Variants in TECTA observed in about 807,000 individuals in gnomAD.
TECTA encodes the protein tectorin alpha.
A neutral mutation model predicts 216.8 loss-of-function variants in TECTA; 128 were observed. That is an observed-to-expected ratio of 0.59 (90% confidence interval 0.51 to 0.68). The LOEUF (loss-of-function observed/expected upper bound fraction) is 0.68. Ranked by LOEUF, TECTA falls within the 30% of genes least tolerant of loss-of-function variation. The probability of loss-of-function intolerance (pLI) is 0.00; values close to 1 mark genes in which losing one functional copy is unlikely to be tolerated. For missense variants in TECTA, 2,551 were observed against 2,786.2 expected, an observed-to-expected ratio of 0.92 and a Z score of 1.90; for synonymous variants, 1,089 against 1,117.1, an observed-to-expected ratio of 0.97 and a Z score of 0.50.
chr11:121,130,829 C>T (rs1489431845), intron 10 of TECTA, among the ~76,000 whole-genome samples: 1 of 152,052 alleles, frequency 6.6e-6, no homozygotes, highest in East Asian at 1.9e-4. Flanking sequence ...AGGACTCACT[C>T]GTGGAGCAAG....
At position 121,113,687 on chromosome 11, in the gene TECTA, A is replaced by G. The variant is rs772570374; in HGVS notation, c.759A>G (p.Glu253=). ...GRWAFKVDGK[E]IDPANGCTSR... ...GGGCATTTAAAGTTGATGGAAAGGA[A>G]ATTGACCCAGCCAATGGCTGCACCT... Residue 253 remains glutamate, a synonymous_variant, in exon 6 of 24, where the codon GAA becomes GAG. Transcript: ENST00000392793. This position sits in a 1 kb window ranked among gnomAD's most constrained non-coding sequence, Gnocchi z 4.2. 9.3e-6 allele frequency: 15 copies of G among 1,613,712 alleles called. No homozygotes were observed. Among genetic ancestry groups the G allele is most frequent in the Non-Finnish European group, 1.3e-5 (15 of 1,180,002 alleles).
chr11:121,133,011 C>T (rs778532746), intron 10 of TECTA, among the ~76,000 whole-genome samples: 16 of 152,180 alleles, frequency 1.1e-4, no homozygotes, highest in Non-Finnish European at 1.3e-4. Flanking sequence ...GGATTACAGG[C>T]GTGAGCCACC....
Position 121,190,694 on chromosome 11 carries a change from C to G in TECTA, c.6368-12C>G. 2.5e-6 allele frequency: 4 copies of G among 1,605,848 alleles called. No homozygotes were observed. The South Asian group carries it at 4.4e-5, about 18-fold the overall frequency. On this transcript the variant is annotated splice_polypyrimidine_tract_variant and intron_variant, in intron 23 of 23. Coordinates refer to ENST00000392793, the MANE Select transcript of TECTA (RefSeq NM_005422.4). ...CCCCCATAGGGCTTACTGTGTTCCT[C>G]TCTGTTTACAGCCTCTAATTCTTCA...
At position 121,145,479 on chromosome 11, in the gene TECTA, G is replaced by A. The variant is rs1036799945; in HGVS notation, c.3544-76G>A. 4.0e-6 allele frequency: 6 copies of A among 1,507,334 alleles called. No homozygotes were observed. In the South Asian group the frequency reaches 6.8e-5, roughly 17 times the overall value. The allele number at this position is 1,507,334 out of a possible 1,614,324, so 93.4% of individuals were successfully genotyped here. A position where few individuals can be genotyped will look rare whatever the true frequency, so the allele number is the denominator to read the frequency against. ...CTTCCCTCTGGGACTTGTCTTTCAA[G>A]AGACTCATCGTTAGGAGAAGAGCTG... On this transcript the variant is annotated intron_variant, in intron 11 of 23. Transcript: ENST00000392793.
chr11:121,150,578 CA>C (rs1423731610), intron 12 of TECTA, among the ~76,000 whole-genome samples: 1 of 149,512 alleles, frequency 6.7e-6, no homozygotes, highest in East Asian at 1.9e-4. Flanking sequence ...AAAATGAATA[CA>C]AAGTCAAAAG....
At position 121,145,656 on chromosome 11, in the gene TECTA, G is replaced by A; in HGVS notation, c.3645G>A (p.Leu1215=). The change falls in exon 12 of 24, where the codon CTG becomes CTA. Residue 1215 remains leucine, a synonymous_variant. Coordinates refer to ENST00000392793, the MANE Select transcript of TECTA (RefSeq NM_005422.4). ...FHVVVETDFG[L]KVVYDWKTFL... ...TGGTGGTGGAAACTGATTTTGGCCT[G>A]AAGGTTGTATATGACTGGAAGACCT... 3 of 1,614,236 alleles carry A rather than the reference G, an allele frequency of 1.9e-6. No homozygotes were observed. The highest frequency in any genetic ancestry group is 1.7e-6 in the Non-Finnish European group (2 of 1,180,042).
chr11:121,160,001 G>C, intron 14 of TECTA, 134 bp from the exon 15 acceptor site: 1 of 942,284 alleles, frequency 1.1e-6, no homozygotes, highest in South Asian at 1.5e-5. Flanking sequence ...TCATGCTGCA[G>C]GGACAGAATG....
In TECTA at chr11:121,127,727, G is replaced by A. The variant is rs778337389; in HGVS notation, c.1775-25G>A. 13 of 1,613,158 alleles carry A rather than the reference G, an allele frequency of 8.1e-6. No individual in the cohort carries two copies. The Admixed American group carries it at 1.2e-4, about 14-fold the overall frequency. On this transcript the variant is annotated intron_variant, in intron 8 of 23. Coordinates refer to ENST00000392793, the MANE Select transcript of TECTA (RefSeq NM_005422.4). This position sits in a 1 kb window ranked among gnomAD's most constrained non-coding sequence, Gnocchi z 5.0. Reference sequence around the variant, plus strand: ...CTCCGGGTCCATTCACCTTGTTATCGGCTCTCTTCCTTTCCCCGCGTCAGT... The same window carrying A: ...CTCCGGGTCCATTCACCTTGTTATCAGCTCTCTTCCTTTCCCCGCGTCAGT...
At chr11:121,146,835 C>G (rs769322091) in intron 12 of TECTA, among the ~76,000 whole-genome samples, 1 of 152,204 alleles carries the variant, frequency 6.6e-6, no homozygotes, top group Non-Finnish European at 1.5e-5. Flanking sequence ...TGCTCTGAGC[C>G]AAGACCCCAT....
chr11:121,144,171 G>A (rs1029286262), intron 11 of TECTA, among the ~76,000 whole-genome samples: 2 of 152,194 alleles, frequency 1.3e-5, no homozygotes, highest in Non-Finnish European at 2.9e-5. Flanking sequence ...GGAAGCCAAT[G>A]GGGTGGATCT....
intron 14 of TECTA, 127 bp from the exon 15 acceptor site, chr11:121,160,008 A>G: frequency 2.0e-6 from 2 of 1,003,010 alleles, no homozygotes; most frequent in Non-Finnish European, 3.1e-6. Context: ...GCAGGGACAG[A>G]ATGGAGTCGT....
chr11:121,156,958 C>A (rs73583191), intron 13 of TECTA, among the ~76,000 whole-genome samples: 2,464 of 152,232 alleles, frequency 0.016, 73 homozygotes, highest in African/African-American at 0.057. Context: ...TTCTTTGGAT[C>A]TTTCACATTC....
At chr11:121,168,433 G>A in intron 19 of TECTA, 1 of 823,658 alleles carries the variant, frequency 1.2e-6, no homozygotes, top group Admixed American at 2.4e-5. Context: ...GCTACATGTG[G>A]CTGCTCAGCA....
rs1189836192 is a variant in TECTA at position 121,189,872 on chromosome 11, G to A, written c.6359G>A (p.Ser2120Asn). 3 of 1,612,782 alleles carry A rather than the reference G, an allele frequency of 1.9e-6. No individual in the cohort carries two copies. Among genetic ancestry groups the A allele is most frequent in the Non-Finnish European group, 2.5e-6 (3 of 1,179,730 alleles). Residue 2120 changes from serine to asparagine, a missense_variant, in exon 23 of 24, where the codon AGC becomes AAC. By Grantham distance (46) the Ser-to-Asn change is conservative (BLOSUM62 1). Coordinates refer to ENST00000392793, the MANE Select transcript of TECTA (RefSeq NM_005422.4). ...VTGTLQEDGK[S>N]CRASNSSMEL... ...GGAACCCTGCAGGAGGACGGCAAGAGCTGCAGAGGTAGACACTCTTCTACC... is the reference window on the plus strand; with the variant it reads ...GGAACCCTGCAGGAGGACGGCAAGAACTGCAGAGGTAGACACTCTTCTACC...
chr11:121,102,616 A>T, intron 1 of TECTA, 49 bp from the exon 2 acceptor site: 1 of 1,483,896 alleles, frequency 6.7e-7, no homozygotes, highest in Non-Finnish European at 9.4e-7. Flanking sequence ...TGTTCTGTTT[A>T]CTCTGGCAAG....
chr11:121,134,345 A>ACACACACG (rs954311155), intron 10 of TECTA, among the ~76,000 whole-genome samples: 10 of 151,798 alleles, frequency 6.6e-5, no homozygotes, highest in African/African-American at 2.4e-4. Flanking sequence ...ACACACACAC[A>ACACACACG]CACGCACACA....
chr11:121,138,534 CCAAGGGAT>C (rs1357770913), intron 11 of TECTA, among the ~76,000 whole-genome samples: 2 of 152,194 alleles, frequency 1.3e-5, no homozygotes, highest in Non-Finnish European at 2.9e-5. Context: ...CTTTTGGCTC[CCAAGGGAT>C]CTGTGAGTTC....
chr11:121,102,610 C>A (rs1241874497), intron 1 of TECTA, 55 bp from the exon 2 acceptor site: 3 of 1,384,776 alleles, frequency 2.2e-6, no homozygotes, highest in Non-Finnish European at 2.1e-6. Context: ...ACCTGGTGTT[C>A]TGTTTACTCT....
At chr11:121,122,824 G>A (rs1946571941) in intron 7 of TECTA, among the ~76,000 whole-genome samples, 1 of 150,228 alleles carries the variant, frequency 6.7e-6, no homozygotes, top group African/African-American at 2.5e-5. Context: ...CTGCACTCCA[G>A]CCTGGGAGAC....
Sources: gnomAD v4.1 joint callset for allele counts (sites outside exome capture counted in the v4.1 genomes callset) on GRCh38, gnomAD v4.1.1 for gene constraint, Gnocchi (gnomAD v3.1) non-coding constraint, MANE v1.5 for transcripts, NCBI Gene and HGNC (gene_info 2026-07-23, HGNC 2026-07-21) for gene names.